Variants in LINGO2 observed in about 807,000 individuals in gnomAD.
LINGO2 encodes leucine-rich repeat and immunoglobulin-like domain-containing nogo receptor-interacting protein 2.
A neutral mutation model predicts 30.6 loss-of-function variants in LINGO2; 14 were observed. The ratio of observed to expected loss-of-function variants is 0.46; its 90% CI spans 0.30 to 0.72. The LOEUF (loss-of-function observed/expected upper bound fraction) is 0.72. LINGO2 is among the 30% of genes least tolerant of loss of function. The pLI is 0.07. For synonymous variants in LINGO2, 317 were observed against 288.5 expected, an observed-to-expected ratio of 1.10 and a Z score of -1.00; for missense variants, 729 against 751.7, an observed-to-expected ratio of 0.97 and a Z score of 0.35.
chr9:29,066,721 G>A, the LINGO2 span, among the ~76,000 whole-genome samples: 1 of 151,866 alleles, frequency 6.6e-6, no homozygotes, highest in Non-Finnish European at 1.5e-5. Flanking sequence ...GTTAACAAAG[G>A]ATGGAGAGGT....
At chr9:28,013,996 G>A (rs2119279803) in intron 4 of LINGO2, among the ~76,000 whole-genome samples, 2 of 152,244 alleles carry the variant, frequency 1.3e-5, no homozygotes, top group Non-Finnish European at 2.9e-5. Context: ...ACATGCTCTG[G>A]TATTTTTGCA....
intron 4 of LINGO2, among the ~76,000 whole-genome samples, chr9:28,215,733 G>A (rs1267945582): frequency 5.3e-5 from 8 of 151,618 alleles, no homozygotes; most frequent in East Asian, 1.9e-4. Context: ...TAAAATACGC[G>A]GGACCAGAAC....
At chr9:28,410,928 T>A (rs1822736416) in intron 2 of LINGO2, among the ~76,000 whole-genome samples, 1 of 151,918 alleles carries the variant, frequency 6.6e-6, no homozygotes, top group Non-Finnish European at 1.5e-5. Context: ...AAAAAAAAGG[T>A]CTGGTTCCTT....
chr9:28,336,790 G>GC (rs34704898), intron 3 of LINGO2, among the ~76,000 whole-genome samples: 5,825 of 151,010 alleles, frequency 0.039, 261 homozygotes, highest in African/African-American at 0.11. Flanking sequence ...GCAAATTGTG[G>GC]CAAAAAAAAA....
At chr9:29,151,577 C>G in the LINGO2 span, among the ~76,000 whole-genome samples, 1 of 151,530 alleles carries the variant, frequency 6.6e-6, no homozygotes, top group Non-Finnish European at 1.5e-5. Context: ...ACCATGCAAA[C>G]AGCAAATAAA....
chr9:29,171,889 C>A, the LINGO2 span, among the ~76,000 whole-genome samples: 1 of 151,748 alleles, frequency 6.6e-6, no homozygotes, highest in South Asian at 2.1e-4. Flanking sequence ...ATACTTTATT[C>A]AAAATACATT....
chr9:28,333,717 A>C (rs1168743620), intron 3 of LINGO2, among the ~76,000 whole-genome samples: 4 of 152,176 alleles, frequency 2.6e-5, no homozygotes, highest in Non-Finnish European at 5.9e-5. Flanking sequence ...GCCGTGCCAT[A>C]TCCTCTGATT....
chr9:29,016,961 G>A, the LINGO2 span, among the ~76,000 whole-genome samples: 1 of 152,130 alleles, frequency 6.6e-6, no homozygotes, highest in Non-Finnish European at 1.5e-5. Flanking sequence ...ACAACTCAGA[G>A]AGATTGACAC....
At chr9:28,536,643 G>C (rs1821448709) in intron 1 of LINGO2, among the ~76,000 whole-genome samples, 2 of 152,042 alleles carry the variant, frequency 1.3e-5, no homozygotes, top group Admixed American at 1.3e-4. Context: ...TTCTAATTCT[G>C]AGAAAAATTG....
At chr9:28,343,049 G>T (rs1819418771) in intron 3 of LINGO2, among the ~76,000 whole-genome samples, 1 of 151,958 alleles carries the variant, frequency 6.6e-6, no homozygotes, top group South Asian at 2.1e-4. Context: ...CAAAACCCAG[G>T]GTTTCCATAT....
the LINGO2 span, among the ~76,000 whole-genome samples, chr9:29,148,475 T>C: frequency 6.6e-6 from 1 of 152,164 alleles, no homozygotes; most frequent in Non-Finnish European, 1.5e-5. Context: ...GTGTCTATGA[T>C]TATAGTGGCC....
At chr9:28,861,358 A>AAT in the LINGO2 span, among the ~76,000 whole-genome samples, 6 of 133,998 alleles carry the variant, frequency 4.5e-5, no homozygotes, top group South Asian at 2.1e-4. Flanking sequence ...ATACATATTT[A>AAT]ATATATATAT....
chr9:28,179,263 C>G (rs924659640), intron 4 of LINGO2, among the ~76,000 whole-genome samples: 1 of 89,294 alleles, frequency 1.1e-5, no homozygotes, highest in Non-Finnish European at 2.4e-5. Flanking sequence ...TATATAGATA[C>G]TATATATAAA....
the LINGO2 span, among the ~76,000 whole-genome samples, chr9:29,176,213 A>T: frequency 6.6e-6 from 1 of 152,184 alleles, no homozygotes; most frequent in African/African-American, 2.4e-5. Flanking sequence ...GAAGACAGAC[A>T]ACTAACCAAA....
At position 28,436,459 on chromosome 9, in the gene LINGO2, TTTATTTATTTA is replaced by T. The variant is rs1823930974; in HGVS notation, c.-279+39470_-279+39480del. ...ATTTATTTATTTATTTATTTATTTATTTATTTATTTATTTTTGAGATGGAGTCTCGCTCTGT... is the reference window on the plus strand; with the variant it reads ...ATTTATTTATTTATTTATTTATTTATTTTTTGAGATGGAGTCTCGCTCTGT... On this transcript the variant is annotated intron_variant, in intron 2 of 5. Transcript: ENST00000379992. Among the ~76,000 whole-genome samples, 3 of 148,894 alleles carry T rather than the reference TTTATTTATTTA, an allele frequency of 2.0e-5. No individual in the cohort carries two copies. In the South Asian group the frequency reaches 6.3e-4, roughly 31 times the overall value.
the LINGO2 span, among the ~76,000 whole-genome samples, chr9:28,770,977 A>T: frequency 6.6e-6 from 1 of 152,204 alleles, no homozygotes; most frequent in Admixed American, 6.5e-5. Flanking sequence ...ATAGACAAGG[A>T]TCACTTAACT....
At chr9:28,041,865 A>C (rs117860707) in intron 4 of LINGO2, among the ~76,000 whole-genome samples, 1,670 of 152,292 alleles carry the variant, frequency 0.011, 19 homozygotes, top group South Asian at 0.04. Flanking sequence ...ACCTGGAATA[A>C]TATTTTCAAA....
At chr9:28,717,542 C>T in the LINGO2 span, among the ~76,000 whole-genome samples, 3 of 151,900 alleles carry the variant, frequency 2.0e-5, no homozygotes, top group Admixed American at 6.6e-5. Flanking sequence ...GGAGATTTCC[C>T]TCTCTTTTCT....
In LINGO2 at chr9:28,005,578, CTTTTCT is replaced by C. The variant is rs140796654; in HGVS notation, c.-36+6771_-36+6776del. ...TTATTTTTTAAGTGAGAAGTTCAAT[CTTTTCT>C]TTTTAAGTTTAAAGAATATGGCTGG... On this transcript the variant is annotated intron_variant, in intron 5 of 5. Transcript: ENST00000379992. Among the ~76,000 whole-genome samples, 1,265 of 152,094 alleles carry C rather than the reference CTTTTCT, an allele frequency of 8.3e-3. 23 individuals are homozygous for C. The highest frequency in any genetic ancestry group is 0.029 in the African/African-American group (1,212 of 41,480).
Sources: gnomAD v4.1 joint callset for allele counts (sites outside exome capture counted in the v4.1 genomes callset) on GRCh38, gnomAD v4.1.1 for gene constraint, MANE v1.5 for transcripts, NCBI Gene and HGNC (gene_info 2026-07-23, HGNC 2026-07-21) for gene names.